Variants in RGS6 observed in about 807,000 individuals in gnomAD.
RGS6 encodes regulator of G protein signaling 6.
In RGS6, 30 loss-of-function variants were observed where a neutral mutation model predicts 78.5. The observed-to-expected ratio is 0.38, with a 90% confidence interval of 0.29 to 0.52. RGS6 has a LOEUF of 0.52. Ranked by LOEUF, RGS6 falls within the 20% of genes least tolerant of loss-of-function variation. The pLI is 0.85. For synonymous variants in RGS6, 206 were observed against 206.0 expected (o/e 1.00, Z 0.00); for missense variants, 495 against 609.7 (o/e 0.81, Z 1.98).
At position 72,493,661 on chromosome 14, in the gene RGS6, C is replaced by G. The variant is rs181021769; in HGVS notation, c.855-1491C>G. ...AGGGCCATCATGAAATTGCAGAACA[C>G]TCTAGCAATAAAGAGATGATTCTAA... On this transcript the variant is annotated intron_variant, in intron 12 of 17. Coordinates refer to ENST00000553525, the MANE Select transcript of RGS6 (RefSeq NM_001204424.2). 2.6e-3 allele frequency among the ~76,000 whole-genome samples: 390 copies of G among 152,114 alleles called. 1 individual carries two copies. The highest frequency in any genetic ancestry group is 3.6e-3 in the Non-Finnish European group (246 of 67,992).
At chr14:72,196,013 A>C (rs2153727734) in intron 2 of RGS6, among the ~76,000 whole-genome samples, 1 of 152,294 alleles carries the variant, frequency 6.6e-6, no homozygotes, top group East Asian at 1.9e-4. Context: ...TTTGGGGAGC[A>C]GAAGGGAGGA....
chr14:72,084,014 T>C lies in RGS6; in HGVS notation c.84+119139T>C, dbSNP rs540225126. Among the ~76,000 whole-genome samples, 4 of 152,320 alleles carry C rather than the reference T, an allele frequency of 2.6e-5. No individual in the cohort carries two copies. In the South Asian group the frequency reaches 8.3e-4, roughly 32 times the overall value. On this transcript the variant is annotated intron_variant, in intron 2 of 17. Transcript: ENST00000553525. The stretch of plus-strand genomic sequence containing the variant: ...ATGATATTCCATGTTGTATAGGTGT[T>C]TGCATTTCTTCCTTTCTAAAAACAC...
At chr14:72,045,971 G>A (rs956951615) in intron 2 of RGS6, among the ~76,000 whole-genome samples, 1 of 152,072 alleles carries the variant, frequency 6.6e-6, no homozygotes, top group African/African-American at 2.4e-5. Context: ...TGTGTGGTAG[G>A]CTGCGTGTGG....
chr14:72,628,648 G>A, the RGS6 span, among the ~76,000 whole-genome samples: 1 of 151,980 alleles, frequency 6.6e-6, no homozygotes, highest in East Asian at 1.9e-4. Context: ...GAGAGAGAGA[G>A]AGAGAGAGAT....
rs188196928 is a variant in RGS6 at position 72,509,275 on chromosome 14, G to A, written c.966-879G>A. 7.0e-3 allele frequency among the ~76,000 whole-genome samples: 1,061 copies of A among 151,686 alleles called. 14 individuals carry two copies. The highest frequency in any genetic ancestry group is 0.017 in the Middle Eastern group (5 of 294). ...CGCTATTCGGGAGGCTGAGGCAGGA[G>A]CATTGCTTGAACCCGGCGGGCAGAG... On this transcript the variant is annotated intron_variant, in intron 13 of 17. Coordinates refer to ENST00000553525, the MANE Select transcript of RGS6 (RefSeq NM_001204424.2).
intron 2 of RGS6, among the ~76,000 whole-genome samples, chr14:72,031,347 C>CT (rs906818895): frequency 3.3e-5 from 5 of 152,166 alleles, no homozygotes; most frequent in South Asian, 2.1e-4. Context: ...GACTGTTAGG[C>CT]TTTTTTCTGT....
chr14:72,562,867 T>C lies in RGS6; in HGVS notation c.*400T>C. Reference sequence around the variant, plus strand: ...GAGACGGTCACACCTTCTGGCAAATTCAAGAGGCATGAGTGGACCGAGAGC... The same window carrying C: ...GAGACGGTCACACCTTCTGGCAAATCCAAGAGGCATGAGTGGACCGAGAGC... On this transcript the variant is annotated 3_prime_UTR_variant, in exon 18 of 18. Transcript: ENST00000553525. 1 of 977,314 alleles carries C rather than the reference T, an allele frequency of 1.0e-6. No individual in the cohort carries two copies. The highest frequency in any genetic ancestry group is 1.4e-5 in the South Asian group (1 of 71,646). 60.5% of individuals were successfully genotyped at this position (977,314 alleles called of 1,614,324 possible). A position where few individuals can be genotyped will look rare whatever the true frequency, so the allele number is the denominator to read the frequency against.
At chr14:71,901,138 A>G in the RGS6 span, among the ~76,000 whole-genome samples, 3 of 152,184 alleles carry the variant, frequency 2.0e-5, no homozygotes, top group African/African-American at 7.2e-5. Context: ...TCAAATGCAT[A>G]ATATATCTTT....
intron 2 of RGS6, among the ~76,000 whole-genome samples, chr14:72,001,338 C>T (rs2083378256): frequency 6.6e-6 from 1 of 152,134 alleles, no homozygotes; most frequent in Admixed American, 6.5e-5. Flanking sequence ...TTAAAAATAA[C>T]ACTGGAGAAT....
chr14:72,043,536 C>T (rs2153384823), intron 2 of RGS6, among the ~76,000 whole-genome samples: 1 of 152,250 alleles, frequency 6.6e-6, no homozygotes, highest in East Asian at 1.9e-4. Context: ...TGGACTCCCC[C>T]CATTTAACAC....
At chr14:72,351,048 G>T (rs904853749) in intron 2 of RGS6, among the ~76,000 whole-genome samples, 1 of 152,082 alleles carries the variant, frequency 6.6e-6, no homozygotes, top group African/African-American at 2.4e-5. Flanking sequence ...TCATCAAGTT[G>T]CAATCATAGT....
intron 2 of RGS6, among the ~76,000 whole-genome samples, chr14:72,324,056 C>G (rs1225418393): frequency 6.6e-6 from 1 of 151,926 alleles, no homozygotes; most frequent in East Asian, 1.9e-4. Flanking sequence ...CAACTGTACT[C>G]TCTCGTTATT....
At chr14:72,050,413 T>C (rs1489676134) in intron 2 of RGS6, among the ~76,000 whole-genome samples, 1 of 152,118 alleles carries the variant, frequency 6.6e-6, no homozygotes, top group Admixed American at 6.5e-5. Context: ...ATTCTAAAAC[T>C]TGATGTTGTA....
chr14:72,393,082 G>A (rs1052063994), intron 3 of RGS6, among the ~76,000 whole-genome samples: 1 of 152,156 alleles, frequency 6.6e-6, no homozygotes, highest in African/African-American at 2.4e-5. Context: ...GAAACAAAGG[G>A]TCAGATACCA....
chr14:71,896,407 G>C, the RGS6 span, among the ~76,000 whole-genome samples: 24 of 152,142 alleles, frequency 1.6e-4, no homozygotes, highest in Non-Finnish European at 1.5e-5. Flanking sequence ...TTTGTAATCT[G>C]TCATGGCGCT....
At chr14:71,869,565 A>G in the RGS6 span, among the ~76,000 whole-genome samples, 1 of 152,244 alleles carries the variant, frequency 6.6e-6, no homozygotes, top group Non-Finnish European at 1.5e-5. Context: ...AACAAAGGAA[A>G]ATGACTTATC....
At chr14:71,927,884 T>C (rs7161145), upstream of RGS6, among the ~76,000 whole-genome samples, 15,639 of 151,992 alleles carry the variant, frequency 0.1, 997 homozygotes, top group Admixed American at 0.14. Flanking sequence ...GGTCTCGATC[T>C]CCTGACCTCG....
At chr14:72,269,683 G>T (rs1039296250) in intron 2 of RGS6, among the ~76,000 whole-genome samples, 1 of 146,362 alleles carries the variant, frequency 6.8e-6, no homozygotes, top group East Asian at 2.0e-4. Flanking sequence ...TCCTGCCTCA[G>T]CCTCCCAAAT....
At chr14:72,535,229 T>C (rs1458313270) in intron 15 of RGS6, among the ~76,000 whole-genome samples, 6 of 152,238 alleles carry the variant, frequency 3.9e-5, no homozygotes, top group South Asian at 2.1e-4. Context: ...CAAATGCCCC[T>C]GGGAGCCGAG....
Sources: allele counts gnomAD v4.1 joint callset (sites outside exome capture counted in the v4.1 genomes callset), GRCh38; gene constraint gnomAD v4.1.1; transcripts MANE v1.5; gene names NCBI Gene and HGNC (gene_info 2026-07-23, HGNC 2026-07-21).